Variants in MAGI2 observed in about 807,000 individuals in gnomAD.
The protein encoded by MAGI2 is membrane-associated guanylate kinase, WW and PDZ domain-containing protein 2.
In MAGI2, 35 loss-of-function variants were observed where a neutral mutation model predicts 133.3. That is an observed-to-expected ratio of 0.26 (90% confidence interval 0.20 to 0.35). The LOEUF is 0.35. Among genes scored for constraint, MAGI2 ranks in the 10% least tolerant of loss-of-function variants. MAGI2 has a pLI of 1.00. For synonymous variants in MAGI2, 729 were observed against 710.6 expected, an observed-to-expected ratio of 1.03 and a Z score of -0.41; for missense variants, 1,636 against 1,863.4, an observed-to-expected ratio of 0.88 and a Z score of 2.25.
intron 2 of MAGI2, among the ~76,000 whole-genome samples, chr7:78,717,563 G>T (rs7779874): frequency 0.89 from 135,256 of 152,186 alleles, 60,208 homozygotes; most frequent in Middle Eastern, 0.92. Context: ...TGAAAATATC[G>T]GAGCCCCAAT....
chr7:78,017,535 T>C lies in MAGI2; in HGVS notation c.*1780A>G, dbSNP rs2151024311. ...TTAATGGCAAACTATACTGGATTTC[T>C]AGTCCAGGGGAGAAAGACTAATTGA... On this transcript the variant is annotated 3_prime_UTR_variant, in exon 22 of 22. Coordinates refer to ENST00000354212, the MANE Select transcript of MAGI2 (RefSeq NM_012301.4). 1 of 152,700 alleles carries C rather than the reference T, an allele frequency of 6.5e-6. No individual in the cohort carries two copies. Among genetic ancestry groups the C allele is most frequent in the South Asian group, 2.1e-4 (1 of 4,832 alleles). 9.5% of individuals were successfully genotyped at this position (152,700 alleles called of 1,614,324 possible).
intron 2 of MAGI2, among the ~76,000 whole-genome samples, chr7:78,929,637 T>A (rs1383395575): frequency 6.6e-6 from 1 of 152,042 alleles, no homozygotes. Flanking sequence ...GCTTCCATCA[T>A]CACGTAGGCT....
Position 78,536,983 on chromosome 7 carries a change from C to T in MAGI2, c.539-15338G>A, listed in dbSNP as rs112579600. ...CCTCTTCCATGCTTCCCCCTGAGTC[C>T]TCAGTCCGTTGTATCATTCTTATGC... On this transcript the variant is annotated intron_variant, in intron 3 of 21. Coordinates refer to ENST00000354212, the MANE Select transcript of MAGI2 (RefSeq NM_012301.4). Among the ~76,000 whole-genome samples the T allele has an allele frequency of 8.2e-3, 1,241 of 152,104 alleles. 18 individuals carry two copies. Among genetic ancestry groups the T allele is most frequent in the African/African-American group, 0.028 (1,148 of 41,490 alleles).
chr7:78,569,108 C>T lies in MAGI2; in HGVS notation c.539-47463G>A, dbSNP rs1444307542. Among the ~76,000 whole-genome samples the T allele has an allele frequency of 2.1e-5, 3 of 144,330 alleles. No individual in the cohort carries two copies. The Admixed American group carries it at 2.1e-4, about 10-fold the overall frequency. 94.7% of individuals were successfully genotyped at this position (144,330 alleles called of 152,430 possible). On this transcript the variant is annotated intron_variant, in intron 3 of 21. Coordinates refer to ENST00000354212, the MANE Select transcript of MAGI2 (RefSeq NM_012301.4). ...CCGTGACCACAGTAGGTGACCCCTG[C>T]CACATATGTGCATGCCAACACACAC... is the stretch of plus-strand genomic sequence containing the variant.
chr7:78,565,107 T>C (rs1800814244), intron 3 of MAGI2, among the ~76,000 whole-genome samples: 1 of 151,962 alleles, frequency 6.6e-6, no homozygotes, highest in Non-Finnish European at 1.5e-5. Context: ...GACCTTCTTT[T>C]CTTCAACAAT....
At chr7:78,692,117 G>T (rs957920396) in intron 2 of MAGI2, among the ~76,000 whole-genome samples, 1 of 152,124 alleles carries the variant, frequency 6.6e-6, no homozygotes, top group Non-Finnish European at 1.5e-5. Context: ...TTGAAGAGCT[G>T]AAAGTTAAAG....
rs537798672 is a variant in MAGI2 at position 78,266,633 on chromosome 7, A to G, written c.1409-10052T>C. ...TGCTCTGTCACCCAGGCTGGAGTGCAGTGGCATGATCTCAGCTTACTGCAA... is the reference window on the plus strand; with the variant it reads ...TGCTCTGTCACCCAGGCTGGAGTGCGGTGGCATGATCTCAGCTTACTGCAA... On this transcript the variant is annotated intron_variant, in intron 9 of 21. Coordinates refer to ENST00000354212, the MANE Select transcript of MAGI2 (RefSeq NM_012301.4). 2.6e-4 allele frequency among the ~76,000 whole-genome samples: 39 copies of G among 151,886 alleles called. 1 individual carries two copies. The highest frequency in any genetic ancestry group is 2.0e-3 in the Admixed American group (31 of 15,244).
chr7:78,993,321 G>A (rs931376731), intron 2 of MAGI2, among the ~76,000 whole-genome samples: 5 of 152,000 alleles, frequency 3.3e-5, no homozygotes, highest in African/African-American at 1.2e-4. Context: ...TATGTTGTTA[G>A]TCTTTGACAA....
At chr7:79,010,947 G>A (rs949368574) in intron 1 of MAGI2, 1 of 152,076 alleles carries the variant, frequency 6.6e-6, no homozygotes, top group African/African-American at 2.4e-5. Flanking sequence ...AAACTTCTTA[G>A]TGCAAAGCAG....
intron 7 of MAGI2, among the ~76,000 whole-genome samples, chr7:78,357,592 C>G (rs1381280718): frequency 6.6e-6 from 1 of 152,194 alleles, no homozygotes; most frequent in Non-Finnish European, 1.5e-5. Context: ...ACCTTCATAG[C>G]TGAGTGTTGT....
chr7:78,086,979 C>T (rs774320098), intron 20 of MAGI2, among the ~76,000 whole-genome samples: 2 of 152,048 alleles, frequency 1.3e-5, no homozygotes, highest in Non-Finnish European at 2.9e-5. Flanking sequence ...CTTTTTGGTG[C>T]CTTTCTCTGT....
intron 2 of MAGI2, among the ~76,000 whole-genome samples, chr7:78,685,466 GTTTTTTTTT>G (rs5885086): frequency 6.4e-5 from 9 of 141,630 alleles, no homozygotes; most frequent in African/African-American, 2.3e-4. Context: ...TGTCATTGTC[GTTTTTTTTT>G]TTTTTAACAG....
intron 1 of MAGI2, among the ~76,000 whole-genome samples, chr7:79,297,353 A>T (rs1837017964): frequency 6.6e-6 from 1 of 152,204 alleles, no homozygotes; most frequent in Non-Finnish European, 1.5e-5. Context: ...AAAATAGATT[A>T]AGCATTGAGC....
At chr7:79,165,300 G>T (rs1824807581) in intron 1 of MAGI2, among the ~76,000 whole-genome samples, 1 of 151,336 alleles carries the variant, frequency 6.6e-6, no homozygotes, top group Admixed American at 6.6e-5. Context: ...TTTTATATGT[G>T]CTGTACTAAT....
chr7:78,608,446 T>C (rs80305219), intron 3 of MAGI2, among the ~76,000 whole-genome samples: 1 of 150,350 alleles, frequency 6.7e-6, no homozygotes, highest in Non-Finnish European at 1.5e-5. Context: ...TGCATATATA[T>C]ATGTATATAT....
rs115039011 is a variant in MAGI2 at position 79,399,052 on chromosome 7, G to A, written c.301+53968C>T. On this transcript the variant is annotated intron_variant, in intron 1 of 21. Transcript: ENST00000354212. ...CACCTTATTCAGAATAACAAAATCT[G>A]ACATCTTCAATTCACTAGTATTATT... 8.9e-3 allele frequency among the ~76,000 whole-genome samples: 1,246 copies of A among 140,406 alleles called. 12 individuals are homozygous for A. The highest frequency in any genetic ancestry group is 0.032 in the African/African-American group (1,190 of 37,396). The allele number at this position is 140,406 out of a possible 152,430, so 92.1% of individuals were successfully genotyped here.
chr7:78,957,969 T>G (rs908043164), intron 2 of MAGI2, among the ~76,000 whole-genome samples: 3 of 152,192 alleles, frequency 2.0e-5, no homozygotes, highest in African/African-American at 7.2e-5. Context: ...TTTACTTGTG[T>G]GTCATTGATT....
intron 20 of MAGI2, among the ~76,000 whole-genome samples, chr7:78,092,239 C>T (rs1164704607): frequency 6.6e-6 from 1 of 152,156 alleles, no homozygotes; most frequent in Non-Finnish European, 1.5e-5. Flanking sequence ...AAGGTCAGCT[C>T]TTCAGAGAAT....
chr7:78,884,486 A>G (rs969701958), intron 2 of MAGI2, among the ~76,000 whole-genome samples: 1 of 152,156 alleles, frequency 6.6e-6, no homozygotes, highest in African/African-American at 2.4e-5. Flanking sequence ...CCAAAAATAA[A>G]TAAACATATA....
Sources: allele counts gnomAD v4.1 joint callset (sites outside exome capture counted in the v4.1 genomes callset), GRCh38; gene constraint gnomAD v4.1.1; transcripts MANE v1.5; gene names NCBI Gene and HGNC (gene_info 2026-07-23, HGNC 2026-07-21).